LIG1: variants seen among roughly 807,000 people sequenced by gnomAD.
The protein encoded by LIG1 is ligase I, DNA, ATP-dependent.
A neutral mutation model predicts 115.7 loss-of-function variants in LIG1; 70 were observed. That is an observed-to-expected ratio of 0.60 (90% CI 0.50 to 0.74). The LOEUF (loss-of-function observed/expected upper bound fraction) is 0.74, where lower values mean the gene tolerates loss of function less well. LIG1 is among the 30% of genes least tolerant of loss of function. The pLI is 0.00. For synonymous variants in LIG1, 487 were observed against 495.3 expected, an observed-to-expected ratio of 0.98 and a Z score of 0.22; for missense variants, 1,115 against 1,225.6, an observed-to-expected ratio of 0.91 and a Z score of 1.35.
chr19:48,119,248 C>A, intron 24 of LIG1, 58 bp from the exon 25 acceptor site: 1 of 1,398,358 alleles, frequency 7.2e-7, no homozygotes, highest in Non-Finnish European at 9.9e-7. Context: ...AGCACTTGCT[C>A]CTGCCATCTA....
chr19:48,153,331 C>T (rs946766479), intron 6 of LIG1, among the ~76,000 whole-genome samples: 10 of 151,034 alleles, frequency 6.6e-5, no homozygotes, highest in South Asian at 2.1e-4. Flanking sequence ...ATTACTAAGA[C>T]ATCAAGGGTG....
intron 2 of LIG1, among the ~76,000 whole-genome samples, chr19:48,163,550 G>A (rs2036306992): frequency 6.6e-6 from 1 of 152,066 alleles, no homozygotes; most frequent in South Asian, 2.1e-4. Context: ...GGCCTGTTCT[G>A]GGCCTGAGGG....
At chr19:48,157,945 C>T (rs2035954871) in intron 4 of LIG1, among the ~76,000 whole-genome samples, 1 of 152,178 alleles carries the variant, frequency 6.6e-6, no homozygotes, top group Non-Finnish European at 1.5e-5. Flanking sequence ...ATTCAGGTCA[C>T]GTGGGCAGAT....
At chr19:48,136,257 G>A in intron 14 of LIG1, 132 bp from the exon 15 acceptor site, 1 of 675,060 alleles carries the variant, frequency 1.5e-6, no homozygotes, top group Non-Finnish European at 2.6e-6. Context: ...TTCAGAGCCT[G>A]GAAGGGACCC....
chr19:48,120,713 C>A, intron 24 of LIG1: 1 of 367,720 alleles, frequency 2.7e-6, no homozygotes, highest in Non-Finnish European at 3.8e-6. Flanking sequence ...CTTTGCTCTT[C>A]CCTGGTGCGT....
At chr19:48,169,910 TTC>T (rs1491260506) in intron 1 of LIG1, 1 of 81,332 alleles carries the variant, frequency 1.2e-5, no homozygotes, top group African/African-American at 7.1e-5. Context: ...CCACACAGTT[TTC>T]CCCCCCCCGG....
Position 48,115,521 on chromosome 19 carries a change from A to C in LIG1, c.*128T>G, listed in dbSNP as rs545774419. On this transcript the variant is annotated 3_prime_UTR_variant, in exon 28 of 28. Coordinates refer to ENST00000263274, the MANE Select transcript of LIG1 (RefSeq NM_000234.3). ...TCCGGAGTAAGCCACCCCCTCACACACACACCCCTCCCCTGACTCTCAAAA... is the reference window on the plus strand; with the variant it reads ...TCCGGAGTAAGCCACCCCCTCACACCCACACCCCTCCCCTGACTCTCAAAA... 2.6e-5 allele frequency: 19 copies of C among 720,634 alleles called. No individual in the cohort carries two copies. In the Admixed American group the frequency reaches 3.0e-4, roughly 12 times the overall value. The allele number at this position is 720,634 out of a possible 1,614,324, so 44.6% of individuals were successfully genotyped here. A position where few individuals can be genotyped will look rare whatever the true frequency, so the allele number is the denominator to read the frequency against.
In LIG1 at chr19:48,137,213, C is replaced by T. The variant is rs2034448300; in HGVS notation, c.1255-129G>A. On this transcript the variant is annotated intron_variant, in intron 13 of 27. Coordinates refer to ENST00000263274, the MANE Select transcript of LIG1 (RefSeq NM_000234.3). The surrounding 1 kb of genome is among the most constrained non-coding windows in gnomAD (Gnocchi z 4.3). ...CTTCCCTCACCCCATCCCCATGTCC[C>T]AGCTCCCATGGCCGCCCACTCTTAG... is the stretch of plus-strand genomic sequence containing the variant. 3.5e-6 allele frequency: 3 copies of T among 846,120 alleles called. No individual in the cohort carries two copies. The highest frequency in any genetic ancestry group is 3.0e-5 in the South Asian group (2 of 67,744). The allele number at this position is 846,120 out of a possible 1,614,324, so 52.4% of individuals were successfully genotyped here.
rs1159613046 is a variant in LIG1 at position 48,137,676 on chromosome 19, T to C, written c.1100A>G (p.Glu367Gly). The stretch of plus-strand genomic sequence containing the variant: ...CTCGGCTGCCTCAGCCCGGACGGAC[T>C]CCAGCTGCCGACCTTCAGGGGAGAG... Reference protein sequence around the residue: ...AVAQATGRQLESVRAEAAEKG... With the variant: ...AVAQATGRQLGSVRAEAAEKG... The change falls in exon 13 of 28, where the codon GAG becomes GGG. Residue 367 changes from glutamate (E) to glycine (G), a missense_variant. Transcript: ENST00000263274. This position sits in a 1 kb window ranked among gnomAD's most constrained non-coding sequence, Gnocchi z 4.3. The C allele has an allele frequency of 6.2e-7, 1 of 1,603,688 alleles. No individual in the cohort carries two copies. The highest frequency in any genetic ancestry group is 8.5e-7 in the Non-Finnish European group (1 of 1,179,016).
At chr19:48,142,351 G>C (rs1445576692) in intron 11 of LIG1, among the ~76,000 whole-genome samples, 1 of 151,296 alleles carries the variant, frequency 6.6e-6, no homozygotes, top group Non-Finnish European at 1.5e-5. Flanking sequence ...GCTGAGGCAG[G>C]AGAATGGTGT....
At chr19:48,139,864 C>T in intron 12 of LIG1, 107 bp downstream of exon 12, 2 of 1,330,550 alleles carry the variant, frequency 1.5e-6, no homozygotes, top group South Asian at 1.2e-5. Context: ...TTCTCCTCAA[C>T]CCTGTTTCAC....
chr19:48,116,962 C>T (rs2032883654), intron 26 of LIG1, among the ~76,000 whole-genome samples: 1 of 151,888 alleles, frequency 6.6e-6, no homozygotes, highest in Non-Finnish European at 1.5e-5. Flanking sequence ...CATGGTGAAA[C>T]CCCGTCTCTA....
Position 48,141,014 on chromosome 19 carries a change from C to T in LIG1, c.915-871G>A, listed in dbSNP as rs117682566. Among the ~76,000 whole-genome samples the T allele has an allele frequency of 3.4e-3, 513 of 152,322 alleles. 33 individuals carry two copies. In the East Asian group the frequency reaches 0.09, roughly 27 times the overall value. ...TAGGCAGCGGGCAAGGTGAACCCAC[C>T]GGACGGTTACAGTGGGGGAGTAACT... On this transcript the variant is annotated intron_variant, in intron 11 of 27. Coordinates refer to ENST00000263274, the MANE Select transcript of LIG1 (RefSeq NM_000234.3).
At chr19:48,166,662 A>G (rs1199396101) in intron 1 of LIG1, among the ~76,000 whole-genome samples, 1 of 152,162 alleles carries the variant, frequency 6.6e-6, no homozygotes, top group African/African-American at 2.4e-5. Flanking sequence ...TCCACAGTTT[A>G]GAGTAACTCT....
chr19:48,162,293 T>C lies in LIG1; in HGVS notation c.76A>G (p.Asn26Asp). The C allele has an allele frequency of 1.2e-6, 2 of 1,614,118 alleles. No individual in the cohort carries two copies. Among genetic ancestry groups the C allele is most frequent in the South Asian group, 1.1e-5 (1 of 91,076 alleles). Reference protein sequence around the residue: ...KAKKPEKEASNSSRETEPPPK... With the variant: ...KAKKPEKEASDSSRETEPPPK... ...GGGGGCTCCGTCTCTCTGCTGCTAT[T>C]GGATGCCTCCTTCTCAGGCTTCTTT... The change falls in exon 3 of 28, where the codon AAT (asparagine) becomes GAT (aspartate). Residue 26 changes from asparagine to aspartate, a missense_variant. Coordinates refer to ENST00000263274, the MANE Select transcript of LIG1 (RefSeq NM_000234.3).
In LIG1 at chr19:48,149,743, A is replaced by G; in HGVS notation, c.776+20T>C. ...GGAACACATCCCGAAGAACCTTTCC[A>G]GACCTGGACACTGACTCACCCCTCA... On this transcript the variant is annotated intron_variant, in intron 9 of 27. Transcript: ENST00000263274. The G allele has an allele frequency of 1.9e-6, 3 of 1,603,914 alleles. No individual in the cohort carries two copies. The highest frequency in any genetic ancestry group is 2.6e-6 in the Non-Finnish European group (3 of 1,170,668).
At chr19:48,133,125 G>A (rs1464369147) in intron 17 of LIG1, 28 bp from the exon 18 acceptor site, 1 of 1,424,876 alleles carries the variant, frequency 7.0e-7, no homozygotes, top group Non-Finnish European at 9.9e-7. Flanking sequence ...TGAGTTAGAG[G>A]AGAGGGAAGG....
rs1182835730 is a variant in LIG1 at position 48,133,016 on chromosome 19, G to A, written c.1691C>T (p.Thr564Ile). The A allele has an allele frequency of 1.4e-5, 22 of 1,614,006 alleles. No individual in the cohort carries two copies. Among genetic ancestry groups the A allele is most frequent in the East Asian group, 4.5e-5 (2 of 44,868 alleles). ...CTGCCCGTCATATTTGTATTCGCAG[G>A]TGAAAGCTGCCTCCTCAAAGCGTTT... ...VLKRFEEAAFTCEYKYDGQRA... is the reference protein window; with the variant it reads ...VLKRFEEAAFICEYKYDGQRA... The change falls in exon 18 of 28, where the codon ACC becomes ATC. Residue 564 changes from threonine to isoleucine, a missense_variant. By Grantham distance (89) the Thr-to-Ile change is moderately conservative (BLOSUM62 -1). Transcript: ENST00000263274.
chr19:48,161,646 T>C, intron 3 of LIG1, 139 bp from the exon 4 acceptor site: 1 of 979,192 alleles, frequency 1.0e-6, no homozygotes, highest in Non-Finnish European at 1.6e-6. Flanking sequence ...GGTTGTCTCC[T>C]CAGCAAATCT....
Sources: gnomAD v4.1 joint callset for allele counts (sites outside exome capture counted in the v4.1 genomes callset) on GRCh38, gnomAD v4.1.1 for gene constraint, Gnocchi (gnomAD v3.1) non-coding constraint, MANE v1.5 for transcripts, NCBI Gene and HGNC (gene_info 2026-07-23, HGNC 2026-07-21) for gene names.